Variants in NPM2 observed in about 807,000 individuals in gnomAD.
NPM2 encodes nucleophosmin/nucleoplasmin 2.
In NPM2, 25 loss-of-function variants were observed where a neutral mutation model predicts 32.0. That is an observed-to-expected ratio of 0.78 (90% CI 0.57 to 1.09). The LOEUF is 1.09. Ranked by LOEUF, NPM2 falls within the 50% of genes least tolerant of loss-of-function variation. NPM2 has a pLI of 0.00. For missense variants in NPM2, 282 were observed against 259.9 expected, an observed-to-expected ratio of 1.08 and a Z score of -0.58; for synonymous variants, 111 against 94.2, an observed-to-expected ratio of 1.18 and a Z score of -1.04.
At chr8:22,027,538 G>A (rs1024359545) in intron 5 of NPM2, among the ~76,000 whole-genome samples, 6 of 151,250 alleles carry the variant, frequency 4.0e-5, no homozygotes, top group Middle Eastern at 3.5e-3. Flanking sequence ...TAATCCACCC[G>A]CCTCCCCTTC....
intron 5 of NPM2, among the ~76,000 whole-genome samples, chr8:22,026,044 A>T (rs11775328): frequency 6.6e-6 from 1 of 152,116 alleles, no homozygotes; most frequent in Non-Finnish European, 1.5e-5. Context: ...GTTAGGAACC[A>T]GGCAGCACAG....
chr8:22,025,795 G>C, intron 5 of NPM2, 23 bp downstream of exon 5: 2 of 1,613,496 alleles, frequency 1.2e-6, no homozygotes, highest in South Asian at 2.2e-5. Flanking sequence ...CTGCTGGCTG[G>C]AAGACTGCTG....
At chr8:22,031,245 G>C (rs1310423768) in intron 5 of NPM2, among the ~76,000 whole-genome samples, 1 of 152,158 alleles carries the variant, frequency 6.6e-6, no homozygotes, top group Non-Finnish European at 1.5e-5. Context: ...ATGGTGGCTA[G>C]GGTTTTGATT....
intron 3 of NPM2, 57 bp downstream of exon 3, chr8:22,025,363 G>A (rs188293206): frequency 5.0e-6 from 8 of 1,601,112 alleles, no homozygotes; most frequent in African/African-American, 1.3e-5. Flanking sequence ...GTGCGCGGCA[G>A]CTTGGGGCGC....
intron 5 of NPM2, among the ~76,000 whole-genome samples, chr8:22,031,392 TCTC>T (rs1429394659): frequency 6.6e-6 from 1 of 152,190 alleles, no homozygotes; most frequent in Non-Finnish European, 1.5e-5. Flanking sequence ...CAGCTACAAC[TCTC>T]CTCCTTGCCT....
chr8:22,025,694 C>T lies in NPM2; in HGVS notation c.192C>T (p.Ile64=), dbSNP rs1456279544. 1 of 1,614,038 alleles carries T rather than the reference C, an allele frequency of 6.2e-7. No homozygotes were observed. Among genetic ancestry groups the T allele is most frequent in the Non-Finnish European group, 8.5e-7 (1 of 1,180,016 alleles). The change falls in exon 5 of 10, where the codon ATC becomes ATT. Residue 64 remains isoleucine (I), a synonymous_variant. Transcript: ENST00000518119. Reference sequence around the variant, plus strand: ...AAGAGGAGATGCATCGCGTGGAGATCCTGCCCCCAGCAAACCAGGAGGACA... The same window carrying T: ...AAGAGGAGATGCATCGCGTGGAGATTCTGCCCCCAGCAAACCAGGAGGACA... ...KAKEEMHRVE[I]LPPANQEDKK...
intron 8 of NPM2, among the ~76,000 whole-genome samples, chr8:22,036,139 C>T (rs1454975336): frequency 6.6e-6 from 1 of 152,014 alleles, no homozygotes; most frequent in African/African-American, 2.4e-5. Context: ...GTCCCAGCTT[C>T]TCAGGAGGCT....
rs1800172558 is a variant in NPM2 at position 22,024,733 on chromosome 8, C to G, written c.-131C>G. ...CCCTTCCCCTTCCCAGGCTTCTTAG[C>G]CCGGGCTTGGACAGCCGCCTTCCGG... On this transcript the variant is annotated 5_prime_UTR_variant, in exon 2 of 10. Transcript: ENST00000518119. 1 of 153,044 alleles carries G rather than the reference C, an allele frequency of 6.5e-6. No homozygotes were observed. The highest frequency in any genetic ancestry group is 1.5e-5 in the Non-Finnish European group (1 of 68,654). The allele number at this position is 153,044 out of a possible 1,614,324, so 9.5% of individuals were successfully genotyped here. A position where few individuals can be genotyped will look rare whatever the true frequency, so the allele number is the denominator to read the frequency against.
intron 5 of NPM2, among the ~76,000 whole-genome samples, chr8:22,026,910 C>T (rs1800275338): frequency 6.6e-6 from 1 of 152,106 alleles, no homozygotes. Context: ...TTAAGGAAGT[C>T]CCCATCTAAA....
chr8:22,034,262 CGAGCGTGGCTAAGGTGGGGGAAG>C lies in NPM2; in HGVS notation c.529_531+20del, dbSNP rs747966122. ...AAAAGGCTGGTGCCCCAGAAGCAGG[CGAGCGTGGCTAAGGTGGGGGAAG>C]GAGCGTGGCTGTTTGGAAGGAAGTG... On this transcript the variant is annotated splice_donor_variant and splice_donor_5th_base_variant and coding_sequence_variant and intron_variant, in exon 7 of 10. Coordinates refer to ENST00000518119, the MANE Select transcript of NPM2 (RefSeq NM_001286680.2). LOFTEE classifies it high-confidence loss of function. 4 of 1,593,866 alleles carry C rather than the reference CGAGCGTGGCTAAGGTGGGGGAAG, an allele frequency of 2.5e-6. No homozygotes were observed. The South Asian group carries it at 3.5e-5, about 14-fold the overall frequency.
At chr8:22,034,385 A>T in intron 7 of NPM2, 110 bp downstream of exon 7, 1 of 1,382,938 alleles carries the variant, frequency 7.2e-7, no homozygotes, top group Non-Finnish European at 1.0e-6. Flanking sequence ...AGTGTACAGG[A>T]TGGGCCAAGG....
chr8:22,029,143 T>C (rs1800353207), intron 5 of NPM2, among the ~76,000 whole-genome samples: 1 of 152,174 alleles, frequency 6.6e-6, no homozygotes, highest in Non-Finnish European at 1.5e-5. Flanking sequence ...TCTCCTTTTT[T>C]TATTTTTTTA....
At chr8:22,030,947 T>G (rs570003431) in intron 5 of NPM2, among the ~76,000 whole-genome samples, 2 of 152,390 alleles carry the variant, frequency 1.3e-5, no homozygotes, top group African/African-American at 4.8e-5. Context: ...GTTTCTTGTA[T>G]GTTTTGTAAT....
intron 5 of NPM2, among the ~76,000 whole-genome samples, chr8:22,031,817 C>G (rs1800451846): frequency 6.6e-6 from 1 of 152,208 alleles, no homozygotes; most frequent in African/African-American, 2.4e-5. Flanking sequence ...TTGCAGCACA[C>G]CAGCTCCTGC....
intron 8 of NPM2, 191 bp from the exon 9 acceptor site, chr8:22,036,302 T>C: frequency 1.8e-6 from 1 of 554,216 alleles, no homozygotes; most frequent in South Asian, 2.6e-5. Flanking sequence ...GATGGAAGCC[T>C]AAGGAAAACA....
At chr8:22,034,416 C>T in intron 7 of NPM2, 94 bp from the exon 8 acceptor site, 3 of 1,386,760 alleles carry the variant, frequency 2.2e-6, no homozygotes, top group Non-Finnish European at 3.0e-6. Flanking sequence ...TAGTTCTGGC[C>T]AGGAGCTCAG....
rs1800152031 is a variant in NPM2 at position 22,024,237 on chromosome 8, C to A, written c.-527C>A. ...GCGGGAGATCTCACCGTTCTGGAGACAGGGCTCGCTCGCTCTCACGGTAGG... is the reference window on the plus strand; with the variant it reads ...GCGGGAGATCTCACCGTTCTGGAGAAAGGGCTCGCTCGCTCTCACGGTAGG... On this transcript the variant is annotated 5_prime_UTR_variant, in exon 1 of 10. Coordinates refer to ENST00000518119, the MANE Select transcript of NPM2 (RefSeq NM_001286680.2). 1 of 152,414 alleles carries A rather than the reference C, an allele frequency of 6.6e-6. No homozygotes were observed. Among genetic ancestry groups the A allele is most frequent in the Non-Finnish European group, 1.5e-5 (1 of 68,168 alleles). 9.4% of individuals were successfully genotyped at this position (152,414 alleles called of 1,614,324 possible).
chr8:22,026,877 T>C (rs1800274397), intron 5 of NPM2, among the ~76,000 whole-genome samples: 1 of 152,212 alleles, frequency 6.6e-6, no homozygotes, highest in Non-Finnish European at 1.5e-5. Context: ...AAAAGAAGCA[T>C]TTGGTAAGTA....
chr8:22,035,033 G>A (rs1483296976), intron 8 of NPM2, among the ~76,000 whole-genome samples: 1 of 152,124 alleles, frequency 6.6e-6, no homozygotes, highest in African/African-American at 2.4e-5. Context: ...TTGAGCCCGG[G>A]GAAAAGTTGC....
Sources: allele counts gnomAD v4.1 joint callset (sites outside exome capture counted in the v4.1 genomes callset), GRCh38; gene constraint gnomAD v4.1.1; transcripts MANE v1.5; gene names NCBI Gene and HGNC (gene_info 2026-07-23, HGNC 2026-07-21).